The following CREBBP variants were observed in gnomAD, a reference collection of about 807,000 sequenced individuals.
The protein encoded by CREBBP is CREB binding lysine acetyltransferase, also known as CREB-binding protein.
Under a neutral mutation model 265.0 loss-of-function variants are expected in CREBBP, and 19 were observed. The observed-to-expected ratio is 0.07, with a 90% CI of 0.05 to 0.11. The LOEUF is 0.11. Ranked by LOEUF, CREBBP falls within the 10% of genes least tolerant of loss-of-function variation. The pLI is 1.00. For missense variants in CREBBP, 2,525 were observed against 3,219.0 expected (o/e 0.78, Z 5.22); for synonymous variants, 1,457 against 1,223.7 (o/e 1.19, Z -3.98).
chr16:3,833,461 C>T (rs777553151), intron 2 of CREBBP, among the ~76,000 whole-genome samples: 2 of 151,932 alleles, frequency 1.3e-5, no homozygotes, highest in Non-Finnish European at 2.9e-5. Context: ...AGGTCCTAGG[C>T]AGAACATTAA....
Position 3,782,687 on chromosome 16 carries a change from G to A in CREBBP, c.1570C>T (p.Leu524=), listed in dbSNP as rs1197883684. 1 of 1,614,060 alleles carries A rather than the reference G, an allele frequency of 6.2e-7. No individual in the cohort carries two copies. Among genetic ancestry groups the A allele is most frequent in the East Asian group, 2.2e-5 (1 of 44,878 alleles). Residue 524 remains leucine, a synonymous_variant, in exon 6 of 31, where the codon CTG becomes TTG. Coordinates refer to ENST00000262367, the MANE Select transcript of CREBBP (RefSeq NM_004380.3). ...AGTTGAGAGTTCCTTCACCTACCCA[G>A]GGGGTTGAGAGTCCTCATCTGCTGG... ...THQQMRTLNP[L]GNNPMNIPAG...
At chr16:3,809,566 CAAGTA>C (rs1245125316) in intron 3 of CREBBP, among the ~76,000 whole-genome samples, 2 of 152,128 alleles carry the variant, frequency 1.3e-5, no homozygotes, top group Admixed American at 1.3e-4. Flanking sequence ...TTTTATCAAA[CAAGTA>C]AATAAAGAGA....
At position 3,726,003 on chromosome 16, in the gene CREBBP, G is replaced by A. The variant is rs1018295447; in HGVS notation, c.*1715C>T. 1.7e-5 allele frequency: 4 copies of A among 233,092 alleles called. No individual in the cohort carries two copies. The highest frequency in any genetic ancestry group is 3.4e-5 in the Non-Finnish European group (4 of 118,002). The allele number at this position is 233,092 out of a possible 1,614,324, so 14.4% of individuals were successfully genotyped here. On this transcript the variant is annotated 3_prime_UTR_variant, in exon 31 of 31. Transcript: ENST00000262367. ...TCTCACCCACTCAGTAAGGGAGCCT[G>A]GAACTGGACTCCAAGGGAGGCAGGA... is the stretch of plus-strand genomic sequence containing the variant.
chr16:3,798,825 A>G (rs1741197539), intron 3 of CREBBP, among the ~76,000 whole-genome samples: 2 of 152,250 alleles, frequency 1.3e-5, no homozygotes, highest in African/African-American at 4.8e-5. Context: ...TGCAATTCCT[A>G]TTTTAGGTAT....
At chr16:3,866,568 T>C (rs1394486525) in intron 1 of CREBBP, among the ~76,000 whole-genome samples, 1 of 152,106 alleles carries the variant, frequency 6.6e-6, no homozygotes, top group African/African-American at 2.4e-5. Flanking sequence ...CAAAAACATA[T>C]ATACCCCCAA....
At chr16:3,878,402 C>A (rs144971638) in intron 1 of CREBBP, among the ~76,000 whole-genome samples, 155 of 152,256 alleles carry the variant, frequency 1.0e-3, no homozygotes, top group African/African-American at 3.5e-3. Context: ...TTTTATATAC[C>A]ATGAGCATCA....
chr16:3,772,803 C>A (rs1201803676), intron 13 of CREBBP, among the ~76,000 whole-genome samples: 1 of 150,926 alleles, frequency 6.6e-6, no homozygotes, highest in Non-Finnish European at 1.5e-5. Flanking sequence ...GGTACGGTAG[C>A]TTACTCCTGT....
Position 3,726,582 on chromosome 16 carries a change from C to A in CREBBP, c.*1136G>T, listed in dbSNP as rs1464437449. On this transcript the variant is annotated 3_prime_UTR_variant, in exon 31 of 31. Coordinates refer to ENST00000262367, the MANE Select transcript of CREBBP (RefSeq NM_004380.3). ...AACCATGTCTTACAAAGAACAGACT[C>A]AAAAAATATATATAAATAAATAAAA... 4.3e-6 allele frequency: 1 copy of A among 233,342 alleles called. No individual in the cohort carries two copies. The highest frequency in any genetic ancestry group is 2.2e-5 in the African/African-American group (1 of 45,294). The allele number at this position is 233,342 out of a possible 1,614,324, so 14.5% of individuals were successfully genotyped here. A position where few individuals can be genotyped will look rare whatever the true frequency, so the allele number is the denominator to read the frequency against.
At chr16:3,838,545 G>A (rs780092562) in intron 2 of CREBBP, among the ~76,000 whole-genome samples, 2 of 152,164 alleles carry the variant, frequency 1.3e-5, no homozygotes, top group Non-Finnish European at 2.9e-5. Flanking sequence ...AAGTTAACTG[G>A]AAATACTACT....
chr16:3,732,927 G>A (rs886713112), intron 28 of CREBBP, among the ~76,000 whole-genome samples: 4 of 152,030 alleles, frequency 2.6e-5, no homozygotes, highest in Admixed American at 6.5e-5. Flanking sequence ...CTTGAACTCC[G>A]GACCTCGGGT....
At position 3,726,426 on chromosome 16, in the gene CREBBP, CGCCCACCTCAG is replaced by C. The variant is rs2051748109; in HGVS notation, c.*1281_*1291del. The stretch of plus-strand genomic sequence containing the variant: ...CCAACGCTGAGCCGCCCACCTCAGT[CGCCCACCTCAG>C]TCTCCGGGAAGAAAAGCCTCCGGGC... On this transcript the variant is annotated 3_prime_UTR_variant, in exon 31 of 31. Transcript: ENST00000262367. 6 of 80,952 alleles carry C rather than the reference CGCCCACCTCAG, an allele frequency of 7.4e-5. No individual in the cohort carries two copies. The highest frequency in any genetic ancestry group is 4.8e-4 in the African/African-American group (2 of 4,174). 5.0% of individuals were successfully genotyped at this position (80,952 alleles called of 1,614,324 possible).
chr16:3,751,740 A>G lies in CREBBP; in HGVS notation c.3765T>C (p.Pro1255=), dbSNP rs372674035. The G allele has an allele frequency of 1.2e-6, 2 of 1,614,164 alleles. No homozygotes were observed. The highest frequency in any genetic ancestry group is 1.7e-6 in the Non-Finnish European group (2 of 1,180,006). Residue 1255 remains proline (P), a synonymous_variant, in exon 20 of 31, where the codon CCT becomes CCC. Transcript: ENST00000262367. ...ACGGTACTTACGTCTGGGGCTGTGA[A>G]GGGTCGTCACCCAGGGTCACATTCT... ...QGENVTLGDD[P]SQPQTTISKD...
At chr16:3,836,327 G>A (rs2054449165) in intron 2 of CREBBP, among the ~76,000 whole-genome samples, 1 of 151,696 alleles carries the variant, frequency 6.6e-6, no homozygotes, top group Non-Finnish European at 1.5e-5. Context: ...CCAGCTACTC[G>A]GGAGGCTGAG....
rs528454525 is a variant in CREBBP, at chr16:3,735,107, G to A, written c.4728+929C>T. 1.4e-3 allele frequency among the ~76,000 whole-genome samples: 207 copies of A among 152,234 alleles called. 3 individuals carry two copies. The highest frequency in any genetic ancestry group is 7.4e-5 in the Non-Finnish European group (5 of 68,000). ...AGCCGCACAAACCCGCACACAGCGC[G>A]CCTCCTCCCACCGCCTGGCGGGTCC... On this transcript the variant is annotated intron_variant, in intron 28 of 30. Transcript: ENST00000262367.
intron 2 of CREBBP, among the ~76,000 whole-genome samples, chr16:3,845,071 G>C (rs2054638027): frequency 6.6e-6 from 1 of 152,024 alleles, no homozygotes; most frequent in African/African-American, 2.4e-5. Context: ...AAGATTTTTT[G>C]TTTTTAAAAT....
chr16:3,847,037 T>C (rs1238552301), intron 2 of CREBBP, among the ~76,000 whole-genome samples: 2 of 152,232 alleles, frequency 1.3e-5, no homozygotes, highest in Admixed American at 6.5e-5. Flanking sequence ...TGTACAGGCA[T>C]TGCTGCACTA....
chr16:3,773,343 T>A (rs1183254876), intron 13 of CREBBP, among the ~76,000 whole-genome samples: 2 of 152,048 alleles, frequency 1.3e-5, no homozygotes, highest in African/African-American at 2.4e-5. Context: ...TGGAGACAGG[T>A]CAAAAGAAAC....
chr16:3,773,183 A>T (rs1282246896), intron 13 of CREBBP, among the ~76,000 whole-genome samples: 1 of 152,206 alleles, frequency 6.6e-6, no homozygotes, highest in Non-Finnish European at 1.5e-5. Context: ...TGTATACAGT[A>T]GCAATGATAC....
intron 13 of CREBBP, among the ~76,000 whole-genome samples, chr16:3,772,571 C>A (rs564333588): frequency 6.6e-6 from 1 of 152,262 alleles, no homozygotes; most frequent in Non-Finnish European, 1.5e-5. Flanking sequence ...TGTACCACAG[C>A]AGCTTCTGCA....
Sources: allele counts gnomAD v4.1 joint callset (sites outside exome capture counted in the v4.1 genomes callset), GRCh38; gene constraint gnomAD v4.1.1; transcripts MANE v1.5; gene names NCBI Gene and HGNC (gene_info 2026-07-23, HGNC 2026-07-21).